Variants in VGLL4 observed in about 807,000 individuals in gnomAD.
The protein encoded by VGLL4 is vestigial like family member 4.
VGLL4 carries 7 observed loss-of-function variants against 21.0 expected under a neutral mutation model. That is an observed-to-expected ratio of 0.33 (90% CI 0.19 to 0.63). VGLL4 has a LOEUF of 0.63. Among genes scored for constraint, VGLL4 ranks in the 20% least tolerant of loss-of-function variants. The pLI is 0.78. For synonymous variants in VGLL4, 222 were observed against 173.2 expected (o/e 1.28, Z -2.21); for missense variants, 394 against 425.7 (o/e 0.93, Z 0.66).
intron 2 of VGLL4, among the ~76,000 whole-genome samples, chr3:11,690,500 A>C: frequency 6.6e-6 from 1 of 152,184 alleles, no homozygotes. Flanking sequence ...TTCGCTAGGA[A>C]ACTGAAAAAT....
At chr3:11,703,670 C>G (rs1048904014) in intron 1 of VGLL4, among the ~76,000 whole-genome samples, 2 of 152,108 alleles carry the variant, frequency 1.3e-5, no homozygotes, top group African/African-American at 4.8e-5. Context: ...AAAGCTAAAA[C>G]AGCAAAAGAT....
At chr3:11,573,307 GGAAGGAAGGAAGAAAGAAAGAAAGA>G (rs2073900846) in intron 2 of VGLL4, among the ~76,000 whole-genome samples, 3 of 19,962 alleles carry the variant, frequency 1.5e-4, no homozygotes, top group African/African-American at 1.3e-3. Context: ...AAGAAAGAAA[GGAAGGAAGGAAGAAAGAAAGAAAGA>G]AAGAAAGAAA....
intron 1 of VGLL4, chr3:11,610,880 C>T (rs372316835): frequency 2.6e-4 from 40 of 152,288 alleles, no homozygotes; most frequent in African/African-American, 9.1e-4. Context: ...ATCTATTGTT[C>T]TGACTTTTCT....
At chr3:11,615,315 A>T (rs934241334) in intron 1 of VGLL4, among the ~76,000 whole-genome samples, 1 of 152,152 alleles carries the variant, frequency 6.6e-6, no homozygotes, top group African/African-American at 2.4e-5. Context: ...CATCTAAAGG[A>T]ATTCTTTTCT....
rs2072623888 is a variant in VGLL4, at chr3:11,558,303, G to GC, written c.*252dup. On this transcript the variant is annotated 3_prime_UTR_variant, in exon 5 of 5. Coordinates refer to ENST00000430365, the MANE Select transcript of VGLL4 (RefSeq NM_001128219.3). ...ATCAGAGGTTTCTTTGGTAACTGAG[G>GC]CAGGAAGTAAGGATGCTACATTAGA... 2 of 594,862 alleles carry GC rather than the reference G, an allele frequency of 3.4e-6. No homozygotes were observed. Among genetic ancestry groups the GC allele is most frequent in the South Asian group, 5.3e-5 (2 of 37,688 alleles). The allele number at this position is 594,862 out of a possible 1,614,324, so 36.8% of individuals were successfully genotyped here.
intron 1 of VGLL4, among the ~76,000 whole-genome samples, chr3:11,713,078 C>CT (rs1185775264): frequency 6.6e-6 from 1 of 152,114 alleles, no homozygotes; most frequent in Non-Finnish European, 1.5e-5. Flanking sequence ...ACCCTGAGGA[C>CT]TTTGAGATCC....
chr3:11,623,669 C>T (rs754955141), intron 1 of VGLL4, among the ~76,000 whole-genome samples: 1 of 151,962 alleles, frequency 6.6e-6, no homozygotes, highest in Non-Finnish European at 1.5e-5. Flanking sequence ...TAAACCTGAT[C>T]GTGATTTAAA....
At chr3:11,676,049 C>T (rs975468760) in intron 2 of VGLL4, among the ~76,000 whole-genome samples, 2 of 152,126 alleles carry the variant, frequency 1.3e-5, no homozygotes, top group Admixed American at 6.5e-5. Context: ...CACAGAGAGC[C>T]AAGGACTATG....
intron 2 of VGLL4, among the ~76,000 whole-genome samples, chr3:11,702,455 CAAAAAAAA>C (rs56189603): frequency 2.1e-4 from 20 of 96,138 alleles, no homozygotes; most frequent in Admixed American, 1.5e-3. Context: ...ACTAAAAATA[CAAAAAAAA>C]AAAAAAAAAA....
At chr3:11,612,035 A>AG (rs1354218161) in intron 1 of VGLL4, 3 of 152,060 alleles carry the variant, frequency 2.0e-5, no homozygotes, top group African/African-American at 7.3e-5. Flanking sequence ...ATAATTTTAC[A>AG]GGGGCTGAAG....
intron 2 of VGLL4, among the ~76,000 whole-genome samples, chr3:11,576,751 G>A (rs901341075): frequency 2.0e-5 from 3 of 152,158 alleles, no homozygotes; most frequent in Non-Finnish European, 2.9e-5. Context: ...TCTGAGCTCC[G>A]CTGGAAAGGC....
intron 2 of VGLL4, among the ~76,000 whole-genome samples, chr3:11,686,921 G>A (rs555376885): frequency 6.6e-6 from 1 of 152,250 alleles, no homozygotes; most frequent in Admixed American, 6.5e-5. Context: ...ATAGAAAACA[G>A]AATACGTCTA....
At chr3:11,636,487 A>G (rs1389346747) in intron 1 of VGLL4, among the ~76,000 whole-genome samples, 1 of 152,226 alleles carries the variant, frequency 6.6e-6, no homozygotes, top group Non-Finnish European at 1.5e-5. Flanking sequence ...AGCCATCTCT[A>G]TACAATATAG....
intron 2 of VGLL4, among the ~76,000 whole-genome samples, chr3:11,665,182 C>T (rs1272221301): frequency 1.9e-4 from 24 of 129,198 alleles, no homozygotes; most frequent in Non-Finnish European, 3.3e-4. Context: ...GGCGCCATCT[C>T]GGCTCACTGC....
chr3:11,673,946 A>G (rs2076252451), intron 2 of VGLL4, among the ~76,000 whole-genome samples: 1 of 129,734 alleles, frequency 7.7e-6, no homozygotes, highest in African/African-American at 2.9e-5. Context: ...CAGGAGGTGG[A>G]GGTTGCAGTG....
intron 2 of VGLL4, among the ~76,000 whole-genome samples, chr3:11,697,730 C>G (rs1161440016): frequency 6.6e-6 from 1 of 152,150 alleles, no homozygotes; most frequent in African/African-American, 2.4e-5. Flanking sequence ...ATATTCCATA[C>G]AAGAGGGCCA....
chr3:11,580,857 CA>C (rs2074203554), intron 2 of VGLL4, among the ~76,000 whole-genome samples: 1 of 152,216 alleles, frequency 6.6e-6, no homozygotes, highest in Non-Finnish European at 1.5e-5. Flanking sequence ...ATGTTGTAAT[CA>C]ACAGTGAGCA....
At chr3:11,594,012 G>C (rs954682031) in intron 2 of VGLL4, among the ~76,000 whole-genome samples, 11 of 152,218 alleles carry the variant, frequency 7.2e-5, no homozygotes, top group African/African-American at 2.4e-4. Context: ...ATATACTGCT[G>C]ATCAAAGAGA....
chr3:11,591,164 T>C (rs2074487091), intron 2 of VGLL4, among the ~76,000 whole-genome samples: 1 of 152,050 alleles, frequency 6.6e-6, no homozygotes, highest in South Asian at 2.1e-4. Context: ...GAATCCTGGG[T>C]TGTTTTGTTT....
Sources: gnomAD v4.1 joint callset for allele counts (sites outside exome capture counted in the v4.1 genomes callset) on GRCh38, gnomAD v4.1.1 for gene constraint, MANE v1.5 for transcripts, NCBI Gene and HGNC (gene_info 2026-07-23, HGNC 2026-07-21) for gene names.